The following NEDD4L variants were observed in gnomAD, a reference collection of about 807,000 sequenced individuals.
NEDD4L encodes NEDD4 like E3 ubiquitin protein ligase, also known as E3 ubiquitin-protein ligase NEDD4-like.
In NEDD4L, 54 loss-of-function variants were observed where a neutral mutation model predicts 148.9. That is an observed-to-expected ratio of 0.36 (90% CI 0.29 to 0.45). The LOEUF (loss-of-function observed/expected upper bound fraction) is 0.45, where lower values mean the gene tolerates loss of function less well. NEDD4L is among the 20% of genes least tolerant of loss of function. The pLI is 1.00. For synonymous variants in NEDD4L, 433 were observed against 440.7 expected, an observed-to-expected ratio of 0.98 and a Z score of 0.22; for missense variants, 856 against 1,233.8, an observed-to-expected ratio of 0.69 and a Z score of 4.59.
chr18:58,088,216 A>G (rs1335901833), intron 1 of NEDD4L, among the ~76,000 whole-genome samples: 3 of 152,180 alleles, frequency 2.0e-5, no homozygotes, highest in Non-Finnish European at 4.4e-5. Flanking sequence ...TTATCACATA[A>G]TCCCAGAAGT....
chr18:58,372,830 CAAAAAA>C (rs11318354), intron 23 of NEDD4L, among the ~76,000 whole-genome samples: 2 of 132,802 alleles, frequency 1.5e-5, no homozygotes, highest in South Asian at 4.9e-4. Flanking sequence ...ATCTCAAAAA[CAAAAAA>C]AAAAAAAAAA....
intron 9 of NEDD4L, among the ~76,000 whole-genome samples, chr18:58,327,112 T>C (rs566975928): frequency 2.0e-5 from 3 of 152,308 alleles, no homozygotes; most frequent in Admixed American, 1.3e-4. Context: ...GCAGTTCTTT[T>C]TCTGTTGTTG....
Position 58,367,627 on chromosome 18 carries a change from C to T in NEDD4L, c.2064-119C>T. ...AGGTCCTCTAGCCCACACATTTTCC[C>T]ACTAGGTACAGAATGCTCGCAGGGA... On this transcript the variant is annotated intron_variant, in intron 21 of 30. Transcript: ENST00000400345. 3.7e-6 allele frequency: 4 copies of T among 1,071,220 alleles called. No homozygotes were observed. The East Asian group carries it at 7.4e-5, about 20-fold the overall frequency. The allele number at this position is 1,071,220 out of a possible 1,614,324, so 66.4% of individuals were successfully genotyped here.
chr18:58,298,648 G>A (rs557374072), intron 5 of NEDD4L, among the ~76,000 whole-genome samples: 98 of 152,242 alleles, frequency 6.4e-4, no homozygotes, highest in African/African-American at 1.6e-3. Flanking sequence ...TGAGGGCTGG[G>A]TGAGTTGATG....
chr18:58,242,569 C>G (rs1027446189), intron 2 of NEDD4L, among the ~76,000 whole-genome samples: 6 of 152,112 alleles, frequency 3.9e-5, no homozygotes, highest in Admixed American at 6.6e-5. Context: ...GGCACAATCT[C>G]GGTTCGCTGC....
At chr18:58,076,517 AGG>A (rs1568180813) in intron 1 of NEDD4L, among the ~76,000 whole-genome samples, 1 of 152,244 alleles carries the variant, frequency 6.6e-6, no homozygotes, top group Non-Finnish European at 1.5e-5. Context: ...AAATGGTAGC[AGG>A]ACCACGTTGG....
intron 2 of NEDD4L, among the ~76,000 whole-genome samples, chr18:58,225,496 T>C (rs1302647383): frequency 6.6e-6 from 1 of 152,252 alleles, no homozygotes; most frequent in Non-Finnish European, 1.5e-5. Context: ...TGCGCACATC[T>C]ATATTTGGCT....
At chr18:58,086,152 A>G (rs1237151586) in intron 1 of NEDD4L, among the ~76,000 whole-genome samples, 1 of 152,214 alleles carries the variant, frequency 6.6e-6, no homozygotes, top group African/African-American at 2.4e-5. Flanking sequence ...TGAGCTCTGT[A>G]GAACATCTGT....
Position 58,396,350 on chromosome 18 carries a change from G to T in NEDD4L, c.*81G>T. On this transcript the variant is annotated 3_prime_UTR_variant, in exon 31 of 31. Transcript: ENST00000400345. ...CATTTGCCTAACAGACTTTTGCAGA[G>T]GCGATGGCAGAGAGCAGCTGCAGGC... is the stretch of plus-strand genomic sequence containing the variant. 1 of 928,608 alleles carries T rather than the reference G, an allele frequency of 1.1e-6. No homozygotes were observed. The highest frequency in any genetic ancestry group is 1.7e-6 in the Non-Finnish European group (1 of 583,866). 57.5% of individuals were successfully genotyped at this position (928,608 alleles called of 1,614,324 possible).
At chr18:58,323,663 C>A (rs551521454) in intron 8 of NEDD4L, among the ~76,000 whole-genome samples, 274 of 152,254 alleles carry the variant, frequency 1.8e-3, no homozygotes, top group Admixed American at 4.6e-3. Flanking sequence ...TTTGTAAATT[C>A]TTTTTAGCCA....
At position 58,373,160 on chromosome 18, in the gene NEDD4L, G is replaced by A; in HGVS notation, c.2257-14G>A. Reference sequence around the variant, plus strand: ...GAAAAAATGCTGAATTTTCACTCCTGTGTCATTCTGTAGGATAGTGAATAT... The same window carrying A: ...GAAAAAATGCTGAATTTTCACTCCTATGTCATTCTGTAGGATAGTGAATAT... On this transcript the variant is annotated splice_polypyrimidine_tract_variant and intron_variant, in intron 23 of 30. Coordinates refer to ENST00000400345, the MANE Select transcript of NEDD4L (RefSeq NM_001144967.3). 1.4e-6 allele frequency: 2 copies of A among 1,450,734 alleles called. No homozygotes were observed. The highest frequency in any genetic ancestry group is 1.9e-6 in the Non-Finnish European group (2 of 1,052,718). 89.9% of individuals were successfully genotyped at this position (1,450,734 alleles called of 1,614,324 possible). A position where few individuals can be genotyped will look rare whatever the true frequency, so the allele number is the denominator to read the frequency against.
At chr18:58,270,230 G>T (rs752085467) in intron 5 of NEDD4L, among the ~76,000 whole-genome samples, 57 of 152,308 alleles carry the variant, frequency 3.7e-4, no homozygotes, top group Non-Finnish European at 6.9e-4. Context: ...CAGAGAAGTG[G>T]GTAATAGGTG....
rs1429042140 is a variant in NEDD4L, at chr18:58,329,034, C to T, written c.720C>T (p.Ile240=). ...AGTCGGACAATAACATCAGACAGAT[C>T]AACCAGGAGGCAGCACACCGGCGCT... is the stretch of plus-strand genomic sequence containing the variant. The part of the protein sequence containing the change: ...SSESDNNIRQ[I]NQEAAHRRFR... The change falls in exon 10 of 31, where the codon ATC becomes ATT. Residue 240 remains isoleucine (I), a synonymous_variant. Coordinates refer to ENST00000400345, the MANE Select transcript of NEDD4L (RefSeq NM_001144967.3). The T allele has an allele frequency of 6.2e-7, 1 of 1,614,052 alleles. No homozygotes were observed. Among genetic ancestry groups the T allele is most frequent in the East Asian group, 2.2e-5 (1 of 44,876 alleles).
At chr18:58,045,406 C>G (rs2081530722) in intron 1 of NEDD4L, 1 of 364,936 alleles carries the variant, frequency 2.7e-6, no homozygotes. Context: ...CCGGCACCTC[C>G]AGGGTGGGTG....
chr18:58,100,936 G>T (rs146473072), intron 1 of NEDD4L, among the ~76,000 whole-genome samples: 4 of 152,256 alleles, frequency 2.6e-5, no homozygotes, highest in African/African-American at 9.6e-5. Context: ...CTCCCGAGTA[G>T]CTGGGATGAC....
intron 1 of NEDD4L, among the ~76,000 whole-genome samples, chr18:58,098,535 C>T (rs977817839): frequency 2.6e-5 from 4 of 152,142 alleles, no homozygotes; most frequent in African/African-American, 9.7e-5. Flanking sequence ...TGGCCATCTT[C>T]CAGCTGTGTG....
intron 5 of NEDD4L, among the ~76,000 whole-genome samples, chr18:58,298,339 T>C (rs1022641696): frequency 2.0e-5 from 3 of 152,244 alleles, no homozygotes; most frequent in Non-Finnish European, 4.4e-5. Flanking sequence ...ATACCTGATG[T>C]TCAGCTTATC....
rs1398112934 is a variant in NEDD4L at position 58,214,603 on chromosome 18, C to CT, written c.123-30824_123-30823insT. ...AAGGATTCCATAAACATTAGCTGCT[C>CT]GGTTTGTGTGTGTGTGTGTGTGTGT... On this transcript the variant is annotated intron_variant, in intron 2 of 30. Coordinates refer to ENST00000400345, the MANE Select transcript of NEDD4L (RefSeq NM_001144967.3). 1.3e-4 allele frequency among the ~76,000 whole-genome samples: 5 copies of CT among 37,716 alleles called. No individual in the cohort carries two copies. The East Asian group carries it at 2.9e-3, about 22-fold the overall frequency. 24.7% of individuals were successfully genotyped at this position (37,716 alleles called of 152,430 possible). A position where few individuals can be genotyped will look rare whatever the true frequency, so the allele number is the denominator to read the frequency against.
At chr18:58,388,255 T>C (rs958681380) in intron 27 of NEDD4L, 2 of 152,222 alleles carry the variant, frequency 1.3e-5, no homozygotes, top group Admixed American at 1.3e-4. Flanking sequence ...AGCCAGTGAG[T>C]GTTTCCCATA....
Sources: gnomAD v4.1 joint callset for allele counts (sites outside exome capture counted in the v4.1 genomes callset) on GRCh38, gnomAD v4.1.1 for gene constraint, MANE v1.5 for transcripts, NCBI Gene and HGNC (gene_info 2026-07-23, HGNC 2026-07-21) for gene names.